The following TEX50 variants were observed in gnomAD, a reference collection of about 807,000 sequenced individuals.
TEX50 encodes testis-expressed protein 50.
Under a neutral mutation model 9.8 loss-of-function variants are expected in TEX50, and 3 were observed. That is an observed-to-expected ratio of 0.31 (90% CI 0.14 to 0.79). The LOEUF is 0.79. Ranked by LOEUF, TEX50 falls within the 30% of genes least tolerant of loss-of-function variation. The pLI, the probability that TEX50 is intolerant of heterozygous loss-of-function variation, is 0.63. For missense variants in TEX50, 164 were observed against 199.3 expected (o/e 0.82, Z 1.07); for synonymous variants, 61 against 72.1 (o/e 0.85, Z 0.78).
chr1:173,636,781 C>CTA, intron 1 of TEX50, 46 bp from the exon 2 acceptor site: 1 of 1,356,302 alleles, frequency 7.4e-7, no homozygotes, highest in Non-Finnish European at 1.0e-6. Flanking sequence ...GTATTGAACT[C>CTA]TACTGTTTTA....
At chr1:173,636,223 C>A (rs949149428) in intron 1 of TEX50, among the ~76,000 whole-genome samples, 5 of 152,062 alleles carry the variant, frequency 3.3e-5, no homozygotes, top group African/African-American at 1.2e-4. Context: ...CTCTTAGAAC[C>A]CTTTCAGATG....
chr1:173,636,018 A>G (rs1668423570), intron 1 of TEX50, among the ~76,000 whole-genome samples, 173 bp downstream of exon 1: 1 of 152,110 alleles, frequency 6.6e-6, no homozygotes, highest in South Asian at 2.1e-4. Flanking sequence ...TAGGTGTTCA[A>G]CAAATGTGTA....
chr1:173,635,956 T>G, intron 1 of TEX50, 111 bp downstream of exon 1: 1 of 757,490 alleles, frequency 1.3e-6, no homozygotes, highest in East Asian at 2.7e-5. Flanking sequence ...ATTGTAACCT[T>G]CCCCCAACTT....
At position 173,636,870 on chromosome 1, in the gene TEX50, A is replaced by G; in HGVS notation, c.368A>G (p.Glu123Gly). ...TTAGAAAAACCTGGTAATGATCTAG[A>G]AAGCCCATTGATCAACAACATTGAC... ...ASLEKPGNDL[E>G]SPLINNIDQT... is the part of the protein sequence containing the mutation. Residue 123 changes from glutamate (E) to glycine (G), a missense_variant, in exon 2 of 2, where the codon GAA becomes GGA. Coordinates refer to ENST00000417563, the MANE Select transcript of TEX50 (RefSeq NM_001195190.3). The G allele has an allele frequency of 3.3e-6, 5 of 1,535,880 alleles. No individual in the cohort carries two copies. The highest frequency in any genetic ancestry group is 4.4e-6 in the Non-Finnish European group (5 of 1,146,778).
chr1:173,636,824 T>C lies in TEX50; in HGVS notation c.325-3T>C. 6.5e-7 allele frequency: 1 copy of C among 1,533,328 alleles called. No homozygotes were observed. Among genetic ancestry groups the C allele is most frequent in the African/African-American group, 1.4e-5 (1 of 73,088 alleles). 95.0% of individuals were successfully genotyped at this position (1,533,328 alleles called of 1,614,324 possible). A position where few individuals can be genotyped will look rare whatever the true frequency, so the allele number is the denominator to read the frequency against. ...AAAATCTGTATTGTTTTTCTCCTTT[T>C]AGCTGAAAAAGCAAGCCTCCTTAGA... is the stretch of plus-strand genomic sequence containing the variant. On this transcript the variant is annotated splice_region_variant and splice_polypyrimidine_tract_variant and intron_variant, in intron 1 of 1. Coordinates refer to ENST00000417563, the MANE Select transcript of TEX50 (RefSeq NM_001195190.3).
rs1668476526 is a variant in TEX50, at chr1:173,636,996, TAAAG to T, written c.497_500del (p.Lys166ArgfsTer13). The T allele has an allele frequency of 3.9e-6, 6 of 1,535,260 alleles. No homozygotes were observed. The highest frequency in any genetic ancestry group is 5.2e-6 in the Non-Finnish European group (6 of 1,146,398). On this transcript the variant is annotated frameshift_variant, in exon 2 of 2. Transcript: ENST00000417563. LOFTEE classifies it low-confidence loss of function (END_TRUNC). ...TCTAAGAAAATTAAGCACTGCAAAT[TAAAG>T]AAGAAGAGTAAAGAAGAAGGAGCCA...
In TEX50 at chr1:173,635,808, A is replaced by G; in HGVS notation, c.287A>G (p.His96Arg). 1 of 1,533,430 alleles carries G rather than the reference A, an allele frequency of 6.5e-7. No homozygotes were observed. The highest frequency in any genetic ancestry group is 8.7e-7 in the Non-Finnish European group (1 of 1,145,346). 95.0% of individuals were successfully genotyped at this position (1,533,430 alleles called of 1,614,324 possible). The change falls in exon 1 of 2, where the codon CAT becomes CGT. Residue 96 changes from histidine to arginine, a missense_variant. Physicochemically the swap from His to Arg is conservative, Grantham distance 29. Around this residue, in one of 3 missense-constraint regions of TEX50, gnomAD observed 135 missense variants for 154.2 expected, o/e 0.88. Transcript: ENST00000417563. ...TTCGTCTTATTTGTTTTGTCTGTGC[A>G]TTACCTGTGGAAGAAATGGAAGAAA... ...VFFVLFVLSV[H>R]YLWKKWKKHQ... is the part of the protein sequence containing the mutation.
chr1:173,635,513 C>A lies in TEX50; in HGVS notation c.-9C>A. 1 of 1,481,606 alleles carries A rather than the reference C, an allele frequency of 6.7e-7. No individual in the cohort carries two copies. The highest frequency in any genetic ancestry group is 8.9e-7 in the Non-Finnish European group (1 of 1,119,864). 91.8% of individuals were successfully genotyped at this position (1,481,606 alleles called of 1,614,324 possible). ...TTTTAGCTACTTTTTTTTCAATTGACAAAGAAGGATGTCTAATCAAAGACT... is the reference window on the plus strand; with the variant it reads ...TTTTAGCTACTTTTTTTTCAATTGAAAAAGAAGGATGTCTAATCAAAGACT... On this transcript the variant is annotated 5_prime_UTR_variant, in exon 1 of 2. Coordinates refer to ENST00000417563, the MANE Select transcript of TEX50 (RefSeq NM_001195190.3).
chr1:173,636,263 C>A (rs531310866), intron 1 of TEX50, among the ~76,000 whole-genome samples: 40 of 152,064 alleles, frequency 2.6e-4, no homozygotes, highest in Non-Finnish European at 5.3e-4. Flanking sequence ...CAAAAGGTGT[C>A]ATGTAATTTT....
chr1:173,635,513 C>T lies in TEX50; in HGVS notation c.-9C>T. The T allele has an allele frequency of 6.7e-7, 1 of 1,481,608 alleles. No homozygotes were observed. 91.8% of individuals were successfully genotyped at this position (1,481,608 alleles called of 1,614,324 possible). A position where few individuals can be genotyped will look rare whatever the true frequency, so the allele number is the denominator to read the frequency against. ...TTTTAGCTACTTTTTTTTCAATTGA[C>T]AAAGAAGGATGTCTAATCAAAGACT... On this transcript the variant is annotated 5_prime_UTR_variant, in exon 1 of 2. Coordinates refer to ENST00000417563, the MANE Select transcript of TEX50 (RefSeq NM_001195190.3).
At chr1:173,636,583 C>G (rs1668453597) in intron 1 of TEX50, among the ~76,000 whole-genome samples, 1 of 152,152 alleles carries the variant, frequency 6.6e-6, no homozygotes, top group Non-Finnish European at 1.5e-5. Flanking sequence ...ATAGGACACA[C>G]TAATTGTTTG....
chr1:173,636,996 T>C lies in TEX50; in HGVS notation c.494T>C (p.Leu165Ser). The change falls in exon 2 of 2, where the codon TTA (leucine) becomes TCA (serine). Residue 165 changes from leucine to serine, a missense_variant. Leu to Ser is a moderately radical substitution (Grantham distance 145, BLOSUM62 -2). This residue lies in a region of TEX50 where 135 missense variants were observed against 154.2 expected (regional missense o/e 0.88). Transcript: ENST00000417563. Reference protein sequence around the residue: ...PSSKKIKHCKLKKKSKEEGAR... With the variant: ...PSSKKIKHCKSKKKSKEEGAR... The stretch of plus-strand genomic sequence containing the variant: ...TCTAAGAAAATTAAGCACTGCAAAT[T>C]AAAGAAGAAGAGTAAAGAAGAAGGA... 6.5e-7 allele frequency: 1 copy of C among 1,535,260 alleles called. No individual in the cohort carries two copies.
In TEX50 at chr1:173,635,732, A is replaced by G; in HGVS notation, c.211A>G (p.Ile71Val). 1 of 1,535,524 alleles carries G rather than the reference A, an allele frequency of 6.5e-7. No homozygotes were observed. Among genetic ancestry groups the G allele is most frequent in the East Asian group, 2.4e-5 (1 of 40,886 alleles). The stretch of plus-strand genomic sequence containing the variant: ...ATGCTGCGACTTTGCTAACATGGAT[A>G]TATTTCAGGGTTGTTTATATCTCAT... ...KLCCDFANMD[I>V]FQGCLYLIYN... The change falls in exon 1 of 2, where the codon ATA becomes GTA. Residue 71 changes from isoleucine to valine, a missense_variant. Ile to Val is a conservative substitution (Grantham distance 29). This residue lies in a region of TEX50 where 135 missense variants were observed against 154.2 expected (regional missense o/e 0.88). Transcript: ENST00000417563.
chr1:173,635,745 G>T lies in TEX50; in HGVS notation c.224G>T (p.Cys75Phe). Residue 75 changes from cysteine to phenylalanine, a missense_variant, in exon 1 of 2, where the codon TGT (cysteine) becomes TTT (phenylalanine). Transcript: ENST00000417563. ...GCTAACATGGATATATTTCAGGGTTGTTTATATCTCATTTATAATTTATTA... is the reference window on the plus strand; with the variant it reads ...GCTAACATGGATATATTTCAGGGTTTTTTATATCTCATTTATAATTTATTA... ...DFANMDIFQG[C>F]LYLIYNLLQA... The T allele has an allele frequency of 6.5e-7, 1 of 1,535,122 alleles. No homozygotes were observed. Among genetic ancestry groups the T allele is most frequent in the Non-Finnish European group, 8.7e-7 (1 of 1,146,264 alleles).
chr1:173,635,985 C>A, intron 1 of TEX50, 140 bp downstream of exon 1: 1 of 654,570 alleles, frequency 1.5e-6, no homozygotes, highest in Non-Finnish European at 2.6e-6. Flanking sequence ...TTCCCAGCAT[C>A]TAGCACAGTA....
Position 173,635,672 on chromosome 1 carries a change from C to T in TEX50, c.151C>T (p.Pro51Ser). The change falls in exon 1 of 2, where the codon CCA (proline) becomes TCA (serine). Residue 51 changes from proline (P) to serine (S), a missense_variant. Pro to Ser is a moderately conservative substitution (Grantham distance 74, BLOSUM62 -1). Transcript: ENST00000417563. The part of the protein sequence containing the change: ...EVHYWKVKGS[P>S]SHCLPYLLDK... ...ACATTATTGGAAAGTTAAGGGTTCTCCATCTCACTGCCTGCCTTATCTTCT... is the reference window on the plus strand; with the variant it reads ...ACATTATTGGAAAGTTAAGGGTTCTTCATCTCACTGCCTGCCTTATCTTCT... 6.5e-7 allele frequency: 1 copy of T among 1,535,644 alleles called. No individual in the cohort carries two copies. Among genetic ancestry groups the T allele is most frequent in the South Asian group, 1.2e-5 (1 of 84,042 alleles).
chr1:173,635,977 C>G, intron 1 of TEX50, 132 bp downstream of exon 1: 1 of 671,698 alleles, frequency 1.5e-6, no homozygotes, highest in Non-Finnish European at 2.5e-6. Context: ...CCCATTCATT[C>G]CCAGCATCTA....
At position 173,636,881 on chromosome 1, in the gene TEX50, A is replaced by G; in HGVS notation, c.379A>G (p.Ile127Val). 1 of 1,535,894 alleles carries G rather than the reference A, an allele frequency of 6.5e-7. No individual in the cohort carries two copies. The highest frequency in any genetic ancestry group is 8.7e-7 in the Non-Finnish European group (1 of 1,146,792). The part of the protein sequence containing the change: ...KPGNDLESPL[I>V]NNIDQTLHRV... Reference sequence around the variant, plus strand: ...TGGTAATGATCTAGAAAGCCCATTGATCAACAACATTGACCAAACACTCCA... The same window carrying G: ...TGGTAATGATCTAGAAAGCCCATTGGTCAACAACATTGACCAAACACTCCA... Residue 127 changes from isoleucine to valine, a missense_variant, in exon 2 of 2, where the codon ATC becomes GTC. Physicochemically the swap from Ile to Val is conservative, Grantham distance 29. Around this residue, in one of 3 missense-constraint regions of TEX50, gnomAD observed 135 missense variants for 154.2 expected, o/e 0.88. Transcript: ENST00000417563.
chr1:173,636,930 T>C lies in TEX50; in HGVS notation c.428T>C (p.Val143Ala). The C allele has an allele frequency of 6.5e-7, 1 of 1,535,702 alleles. No homozygotes were observed. The highest frequency in any genetic ancestry group is 1.2e-5 in the South Asian group (1 of 84,050). ...CACAGAGTGGCAACCACAGCATCAG[T>C]GATATACAAGATCTGGGAGCACAGG... ...TLHRVATTAS[V>A]IYKIWEHRSH... The change falls in exon 2 of 2, where the codon GTG (valine) becomes GCG (alanine). Residue 143 changes from valine (V) to alanine (A), a missense_variant. Physicochemically the swap from Val to Ala is moderately conservative, Grantham distance 64. Around this residue, in one of 3 missense-constraint regions of TEX50, gnomAD observed 135 missense variants for 154.2 expected, o/e 0.88. Transcript: ENST00000417563.
Sources: allele counts gnomAD v4.1 joint callset (sites outside exome capture counted in the v4.1 genomes callset), GRCh38; gene constraint gnomAD v4.1.1; regional missense constraint gnomAD v4.1.1; transcripts MANE v1.5; gene names NCBI Gene and HGNC (gene_info 2026-07-23, HGNC 2026-07-21).